The following TBCK variants were observed in gnomAD, a reference collection of about 807,000 sequenced individuals.
The protein encoded by TBCK is TBC domain-containing protein kinase-like protein.
In TBCK, 99 loss-of-function variants were observed where a neutral mutation model predicts 113.4. That is an observed-to-expected ratio of 0.87 (90% confidence interval 0.74 to 1.03). TBCK has a LOEUF of 1.03. Ranked by LOEUF, TBCK falls within the 50% of genes least tolerant of loss-of-function variation. The pLI, the probability that TBCK is intolerant of heterozygous loss-of-function variation, is 0.00. For missense variants in TBCK, 1,045 were observed against 1,061.3 expected (o/e 0.98, Z 0.21); for synonymous variants, 369 against 370.8 (o/e 1.00, Z 0.05).
chr4:106,203,662 T>G (rs776414838), intron 20 of TBCK, among the ~76,000 whole-genome samples: 2 of 151,554 alleles, frequency 1.3e-5, no homozygotes, highest in Non-Finnish European at 3.0e-5. Flanking sequence ...TACAAGAAAA[T>G]CACTCAGATA....
At chr4:106,176,541 C>T (rs1643301445) in intron 22 of TBCK, among the ~76,000 whole-genome samples, 1 of 152,006 alleles carries the variant, frequency 6.6e-6, no homozygotes, top group South Asian at 2.1e-4. Flanking sequence ...AATGGTAATT[C>T]ATTGTGTTTT....
intron 23 of TBCK, among the ~76,000 whole-genome samples, chr4:106,120,257 C>G (rs1304774867): frequency 6.6e-6 from 1 of 152,106 alleles, no homozygotes; most frequent in Admixed American, 6.5e-5. Context: ...GCTTTTCGGA[C>G]CCCCTTAAAA....
chr4:106,093,798 T>C (rs1432351132), intron 25 of TBCK, among the ~76,000 whole-genome samples: 2 of 151,038 alleles, frequency 1.3e-5, no homozygotes, highest in East Asian at 3.9e-4. Flanking sequence ...CTATATAACA[T>C]ACCTGCACAT....
chr4:106,229,154 T>A (rs1026306739), intron 19 of TBCK, among the ~76,000 whole-genome samples: 5 of 152,076 alleles, frequency 3.3e-5, no homozygotes, highest in African/African-American at 4.8e-5. Context: ...TAATCTCTTA[T>A]CAGGTGGGTA....
At chr4:106,227,558 T>C (rs1178361723) in intron 19 of TBCK, among the ~76,000 whole-genome samples, 1 of 152,010 alleles carries the variant, frequency 6.6e-6, no homozygotes, top group Admixed American at 6.6e-5. Flanking sequence ...CTCAGAATTT[T>C]TGATGAATCA....
intron 20 of TBCK, among the ~76,000 whole-genome samples, chr4:106,204,973 G>A (rs1755299971): frequency 6.6e-6 from 1 of 151,120 alleles, no homozygotes; most frequent in Non-Finnish European, 1.5e-5. Context: ...CACCTTGTTA[G>A]CCAGGATGGT....
intron 24 of TBCK, among the ~76,000 whole-genome samples, chr4:106,115,230 T>C (rs1743347790): frequency 6.6e-6 from 1 of 152,166 alleles, no homozygotes; most frequent in Non-Finnish European, 1.5e-5. Flanking sequence ...AAATCAAACT[T>C]TTTGAGCAAC....
intron 25 of TBCK, among the ~76,000 whole-genome samples, chr4:106,066,785 T>C (rs1736694171): frequency 6.6e-6 from 1 of 152,092 alleles, no homozygotes; most frequent in South Asian, 2.1e-4. Flanking sequence ...ATATTTGTCC[T>C]TTTTATATGT....
At chr4:106,206,024 T>A (rs1023588918) in intron 20 of TBCK, among the ~76,000 whole-genome samples, 2 of 152,172 alleles carry the variant, frequency 1.3e-5, no homozygotes, top group Non-Finnish European at 2.9e-5. Flanking sequence ...TTGTTATTTT[T>A]AAATGAATTA....
rs2149437731 is a variant in TBCK, at chr4:106,045,773, A to C, written c.*797T>G. On this transcript the variant is annotated 3_prime_UTR_variant, in exon 26 of 26. Transcript: ENST00000394708. ...ATAGCAGATGTGATGGTAGAAGCTG[A>C]GGAGCCATTTTCATCCATGAGATGG... The C allele has an allele frequency of 6.6e-6, 1 of 152,090 alleles. No homozygotes were observed. Among genetic ancestry groups the C allele is most frequent in the Admixed American group, 6.6e-5 (1 of 15,260 alleles). The allele number at this position is 152,090 out of a possible 1,614,324, so 9.4% of individuals were successfully genotyped here. A position where few individuals can be genotyped will look rare whatever the true frequency, so the allele number is the denominator to read the frequency against.
At chr4:106,276,916 C>T (rs535652574) in intron 3 of TBCK, among the ~76,000 whole-genome samples, 2 of 151,820 alleles carry the variant, frequency 1.3e-5, no homozygotes, top group South Asian at 2.1e-4. Flanking sequence ...AATAAAATGG[C>T]AAGCCAAAGA....
chr4:106,084,386 G>C (rs1166423125), intron 25 of TBCK, among the ~76,000 whole-genome samples: 1 of 151,972 alleles, frequency 6.6e-6, no homozygotes, highest in African/African-American at 2.4e-5. Context: ...CAAGTATAGA[G>C]AAAAAAGAAT....
intron 23 of TBCK, among the ~76,000 whole-genome samples, chr4:106,122,404 G>A (rs1481737844): frequency 6.6e-6 from 1 of 152,142 alleles, no homozygotes; most frequent in African/African-American, 2.4e-5. Context: ...ACCAAGAAGA[G>A]TCCAGGACCA....
chr4:106,123,476 C>A (rs1744724171), intron 23 of TBCK, among the ~76,000 whole-genome samples: 1 of 152,054 alleles, frequency 6.6e-6, no homozygotes, highest in South Asian at 2.1e-4. Flanking sequence ...CAATGCCATC[C>A]CCATAAAGCT....
chr4:106,149,638 A>G (rs970248402), intron 23 of TBCK, among the ~76,000 whole-genome samples: 2 of 152,206 alleles, frequency 1.3e-5, no homozygotes, highest in Non-Finnish European at 2.9e-5. Flanking sequence ...GTACAATAGC[A>G]ACATCAAAGA....
At chr4:106,109,593 A>ACC (rs1431637974) in intron 24 of TBCK, among the ~76,000 whole-genome samples, 1 of 152,176 alleles carries the variant, frequency 6.6e-6, no homozygotes, top group Non-Finnish European at 1.5e-5. Flanking sequence ...TTGAAGATGG[A>ACC]CCCCTTCCTT....
At chr4:106,097,753 T>A (rs997305891) in intron 24 of TBCK, among the ~76,000 whole-genome samples, 1 of 152,068 alleles carries the variant, frequency 6.6e-6, no homozygotes, top group Admixed American at 6.6e-5. Context: ...ATATTGTAAA[T>A]CTAGGTAGGT....
chr4:106,300,496 T>G (rs1375802952), intron 2 of TBCK, among the ~76,000 whole-genome samples: 1 of 152,240 alleles, frequency 6.6e-6, no homozygotes, highest in African/African-American at 2.4e-5. Flanking sequence ...ACTTTTGTTA[T>G]TAACAGTAAA....
In TBCK at chr4:106,293,332, A is replaced by T. The variant is rs535247650; in HGVS notation, c.266+1762T>A. On this transcript the variant is annotated intron_variant, in intron 3 of 25. Transcript: ENST00000394708. ...CGAGATTACAGAGCAGAATGAACAT[A>T]AGCAACAGACTTTGGGTGTCACTGT... Among the ~76,000 whole-genome samples, 69 of 152,308 alleles carry T rather than the reference A, an allele frequency of 4.5e-4. No homozygotes were observed. The South Asian group carries it at 0.014, about 32-fold the overall frequency.
Sources: allele counts gnomAD v4.1 joint callset (sites outside exome capture counted in the v4.1 genomes callset), GRCh38; gene constraint gnomAD v4.1.1; transcripts MANE v1.5; gene names NCBI Gene and HGNC (gene_info 2026-07-23, HGNC 2026-07-21).